AFF2: variants seen among roughly 807,000 people sequenced by gnomAD.
AFF2 encodes the protein AF4/FMR2 family member 2.
Under a neutral mutation model 76.9 loss-of-function variants are expected in AFF2, and 14 were observed. The ratio of observed to expected loss-of-function variants is 0.18; its 90% CI spans 0.12 to 0.28. The LOEUF (loss-of-function observed/expected upper bound fraction) is 0.28, where lower values mean the gene tolerates loss of function less well. Ranked by LOEUF, AFF2 falls within the 10% of genes least tolerant of loss-of-function variation. The pLI is 1.00. For synonymous variants in AFF2, 398 were observed against 366.7 expected (o/e 1.09, Z -0.98); for missense variants, 868 against 1,001.1 (o/e 0.87, Z 1.79).
intron 1 of AFF2, among the ~76,000 whole-genome samples, chrX:148,543,931 C>T (rs1405644229): frequency 8.9e-6 from 1 of 112,196 alleles, no homozygotes; most frequent in African/African-American, 3.2e-5. Flanking sequence ...ATTTTTGTCC[C>T]TCCATGTTCT....
At chrX:148,542,613 G>A (rs1297878604) in intron 1 of AFF2, among the ~76,000 whole-genome samples, 1 of 112,129 alleles carries the variant, frequency 8.9e-6, no homozygotes, top group African/African-American at 3.2e-5. Flanking sequence ...CTGCTGGGCA[G>A]ACCACTTTGC....
At chrX:148,850,903 G>A (rs1287986345) in intron 7 of AFF2, among the ~76,000 whole-genome samples, 1 of 111,618 alleles carries the variant, frequency 9.0e-6, no homozygotes, top group Admixed American at 9.5e-5. Flanking sequence ...ATGGCTGCAG[G>A]GCCAGAACTC....
chrX:148,901,257 A>G (rs1368208708), intron 8 of AFF2, among the ~76,000 whole-genome samples: 5 of 111,693 alleles, frequency 4.5e-5, no homozygotes, highest in African/African-American at 1.6e-4. Flanking sequence ...TCATCACACC[A>G]TACTGGAGTA....
At chrX:148,761,760 C>T (rs2069446498) in intron 3 of AFF2, among the ~76,000 whole-genome samples, 1 of 110,250 alleles carries the variant, frequency 9.1e-6, no homozygotes, top group African/African-American at 3.3e-5. Flanking sequence ...AGCATAGTGC[C>T]TGTTGCATAG....
chrX:148,777,730 A>C (rs1278120512), intron 3 of AFF2, among the ~76,000 whole-genome samples: 1 of 112,468 alleles, frequency 8.9e-6, no homozygotes, highest in African/African-American at 3.2e-5. Flanking sequence ...GAAGTTGCTT[A>C]TCAACTTAAG....
intron 3 of AFF2, among the ~76,000 whole-genome samples, chrX:148,723,961 T>G (rs181973793): frequency 1.7e-3 from 172 of 100,931 alleles, no homozygotes; most frequent in Non-Finnish European, 2.9e-3. Flanking sequence ...GCATTGGACA[T>G]GGGGCGGAAA....
At chrX:148,712,970 G>A (rs1311736667) in intron 3 of AFF2, among the ~76,000 whole-genome samples, 1 of 111,541 alleles carries the variant, frequency 9.0e-6, no homozygotes, top group Admixed American at 9.5e-5. Context: ...GTTAGAGAAT[G>A]GCTCAGGGGC....
At chrX:148,513,823 G>A (rs1346644016) in intron 1 of AFF2, among the ~76,000 whole-genome samples, 2 of 110,928 alleles carry the variant, frequency 1.8e-5, no homozygotes, top group Non-Finnish European at 3.8e-5. Flanking sequence ...TGTTGGTAAT[G>A]AGAACCTTAT....
At chrX:148,505,083 C>G (rs1352931274) in intron 1 of AFF2, among the ~76,000 whole-genome samples, 1 of 111,883 alleles carries the variant, frequency 8.9e-6, no homozygotes, top group Non-Finnish European at 1.9e-5. Flanking sequence ...CCTCTGTGGT[C>G]TCTTAAAAGG....
chrX:148,824,060 C>CCTCTCTCTCTCTCTCTCTCTCT (rs60032031), intron 4 of AFF2, among the ~76,000 whole-genome samples: 302 of 96,626 alleles, frequency 3.1e-3, no homozygotes, highest in African/African-American at 9.8e-3. Context: ...ATATTTGCTT[C>CCTCTCTCTCTCTCTCTCTCTCT]CTCTCTCTCT....
intron 1 of AFF2, among the ~76,000 whole-genome samples, chrX:148,643,360 A>G (rs1208484558): frequency 1.8e-5 from 2 of 111,827 alleles, no homozygotes; most frequent in East Asian, 2.8e-4. Flanking sequence ...CAAGGCCCCT[A>G]CTAGTCTTCA....
At chrX:148,852,955 T>G (rs184281969) in intron 7 of AFF2, among the ~76,000 whole-genome samples, 2 of 111,679 alleles carry the variant, frequency 1.8e-5, no homozygotes, top group East Asian at 5.7e-4. Flanking sequence ...TTGATAAGAT[T>G]AAACTGATTT....
intron 4 of AFF2, among the ~76,000 whole-genome samples, chrX:148,812,280 A>G (rs2070213142): frequency 9.0e-6 from 1 of 111,018 alleles, no homozygotes; most frequent in Non-Finnish European, 1.9e-5. Flanking sequence ...TCTTAGGGAA[A>G]AGTACATTTT....
At chrX:148,945,153 G>A (rs1407981680) in intron 9 of AFF2, among the ~76,000 whole-genome samples, 7 of 111,347 alleles carry the variant, frequency 6.3e-5, no homozygotes, top group South Asian at 7.7e-4. Flanking sequence ...ACCTTTGAAC[G>A]TCATTAGTGA....
intron 1 of AFF2, among the ~76,000 whole-genome samples, chrX:148,648,780 A>G (rs1210877073): frequency 9.0e-6 from 1 of 110,575 alleles, no homozygotes; most frequent in East Asian, 2.8e-4. Context: ...TGGTTAATTC[A>G]TAGTAAATTT....
chrX:148,536,489 A>G (rs1389003066), intron 1 of AFF2, among the ~76,000 whole-genome samples: 1 of 111,902 alleles, frequency 8.9e-6, no homozygotes, highest in African/African-American at 3.3e-5. Flanking sequence ...CTTTCTATGA[A>G]GCTAATAGAG....
intron 1 of AFF2, among the ~76,000 whole-genome samples, chrX:148,573,390 A>G (rs782393023): frequency 9.0e-6 from 1 of 111,305 alleles, no homozygotes; most frequent in East Asian, 2.8e-4. Flanking sequence ...GAAGTGCTAT[A>G]TGGAGTGGAT....
chrX:148,772,016 A>G (rs2069594449), intron 3 of AFF2, among the ~76,000 whole-genome samples: 1 of 111,845 alleles, frequency 8.9e-6, no homozygotes, highest in Non-Finnish European at 1.9e-5. Flanking sequence ...GGATGTAGGC[A>G]GGAGACTATT....
intron 3 of AFF2, among the ~76,000 whole-genome samples, chrX:148,766,397 C>T (rs1294301340): frequency 9.1e-6 from 1 of 110,002 alleles, no homozygotes; most frequent in Non-Finnish European, 1.9e-5. Flanking sequence ...GATCGCCATT[C>T]TAACTGGTGT....
Sources: gnomAD v4.1 joint callset for allele counts (sites outside exome capture counted in the v4.1 genomes callset) on GRCh38, gnomAD v4.1.1 for gene constraint, MANE v1.5 for transcripts, NCBI Gene and HGNC (gene_info 2026-07-23, HGNC 2026-07-21) for gene names.